BRI3: variants seen among roughly 807,000 people sequenced by gnomAD.
BRI3 encodes membrane protein BRI3.
BRI3 carries 6 observed loss-of-function variants against 12.8 expected under a neutral mutation model. The ratio of observed to expected loss-of-function variants is 0.47; its 90% CI spans 0.26 to 0.93. The LOEUF (loss-of-function observed/expected upper bound fraction) is 0.93, where lower values mean the gene tolerates loss of function less well. Among genes scored for constraint, BRI3 ranks in the 40% least tolerant of loss-of-function variants. The pLI, the probability that BRI3 is intolerant of heterozygous loss-of-function variation, is 0.15. For missense variants in BRI3, 134 were observed against 171.1 expected (o/e 0.78, Z 1.21); for synonymous variants, 91 against 76.1 (o/e 1.20, Z -1.02).
At position 98,290,689 on chromosome 7, in the gene BRI3, G is replaced by A. The variant is rs942245477; in HGVS notation, c.246-422G>A. ...GATTTTTGTATTGTTAGTAGAGACAGGGTTTCACCGTGTTGGCCAGGCTGG... is the reference window on the plus strand; with the variant it reads ...GATTTTTGTATTGTTAGTAGAGACAAGGTTTCACCGTGTTGGCCAGGCTGG... On this transcript the variant is annotated intron_variant, in intron 2 of 2. Coordinates refer to ENST00000297290, the MANE Select transcript of BRI3 (RefSeq NM_015379.5). 9.9e-5 allele frequency among the ~76,000 whole-genome samples: 15 copies of A among 151,578 alleles called. 1 individual carries two copies. Among genetic ancestry groups the A allele is most frequent in the Admixed American group, 6.6e-4 (10 of 15,220 alleles).
At chr7:98,315,582 C>T in the BRI3 span, 1 of 1,473,760 alleles carries the variant, frequency 6.8e-7, no homozygotes, top group Non-Finnish European at 9.1e-7. Flanking sequence ...TTCTGGATTT[C>T]ACTCTGACGA....
upstream of BRI3, among the ~76,000 whole-genome samples, chr7:98,302,377 C>A (rs889483894): frequency 3.3e-5 from 5 of 152,172 alleles, no homozygotes; most frequent in Admixed American, 1.3e-4. Flanking sequence ...GATTCTTTTA[C>A]CTTAAAAGGC....
chr7:98,292,897 G>A (rs1305357955), downstream of BRI3: 7 of 1,422,418 alleles, frequency 4.9e-6, no homozygotes, highest in Middle Eastern at 2.5e-4. Flanking sequence ...CGAGTGCTAC[G>A]TGTGGCTGTG....
downstream of BRI3, chr7:98,293,240 C>A (rs1800044398): frequency 1.1e-5 from 4 of 356,616 alleles, no homozygotes; most frequent in South Asian, 6.6e-5. Flanking sequence ...TTAAAAAATA[C>A]AGTAAAGATT....
At chr7:98,295,405 T>C (rs570078896), downstream of BRI3, among the ~76,000 whole-genome samples, 285 of 152,310 alleles carry the variant, frequency 1.9e-3, 1 homozygote, top group African/African-American at 6.5e-3. Context: ...GGGCTTTAAA[T>C]GGCCGCAAAA....
chr7:98,285,821 G>T (rs1201725862), intron 2 of BRI3, among the ~76,000 whole-genome samples: 1 of 152,178 alleles, frequency 6.6e-6, no homozygotes, highest in African/African-American at 2.4e-5. Flanking sequence ...GGACACCCTG[G>T]GACAGCCAGA....
chr7:98,306,754 C>A (rs1313283607), intron 1 of BRI3: 5 of 539,876 alleles, frequency 9.3e-6, no homozygotes, highest in Non-Finnish European at 1.6e-5. Context: ...GTTGCCCAGG[C>A]TGGAGTGCAG....
downstream of BRI3, among the ~76,000 whole-genome samples, chr7:98,295,945 C>T (rs991311923): frequency 2.0e-5 from 3 of 152,196 alleles, no homozygotes; most frequent in Admixed American, 1.3e-4. Flanking sequence ...ACCCCGTGCA[C>T]GCATGCCTGG....
At chr7:98,295,860 C>T (rs543031156), downstream of BRI3, among the ~76,000 whole-genome samples, 15 of 152,272 alleles carry the variant, frequency 9.9e-5, no homozygotes, top group Admixed American at 2.6e-4. Context: ...CAAGAAGCAC[C>T]GACTCCTGCC....
intron 2 of BRI3, among the ~76,000 whole-genome samples, chr7:98,287,049 G>A (rs1055758600): frequency 6.6e-6 from 1 of 152,194 alleles, no homozygotes; most frequent in African/African-American, 2.4e-5. Flanking sequence ...TTCGAAGCCC[G>A]TTCAGAGCTC....
chr7:98,283,721 C>T (rs189524170), intron 2 of BRI3, among the ~76,000 whole-genome samples: 81 of 152,136 alleles, frequency 5.3e-4, no homozygotes, highest in Non-Finnish European at 6.6e-4. Context: ...TCCAGCCTGC[C>T]GGAGGAGCCG....
upstream of BRI3, among the ~76,000 whole-genome samples, chr7:98,305,213 A>G (rs1441642075): frequency 6.6e-6 from 1 of 151,536 alleles, no homozygotes; most frequent in Non-Finnish European, 1.5e-5. Flanking sequence ...AAAAGACATG[A>G]CAAAAGGAGA....
exon 2 of BRI3, chr7:98,307,736 G>A (rs750572377): frequency 2.0e-5 from 32 of 1,614,182 alleles, no homozygotes; most frequent in East Asian, 1.8e-4. Context: ...CCTTCTCCTC[G>A]GGGATGAGCA....
At chr7:98,286,921 G>A (rs1303890864) in intron 2 of BRI3, among the ~76,000 whole-genome samples, 2 of 152,344 alleles carry the variant, frequency 1.3e-5, no homozygotes, top group East Asian at 3.9e-4. Flanking sequence ...AGCGCCTCTT[G>A]GCGTTTGAAG....
chr7:98,319,991 C>A, the BRI3 span: 18 of 1,315,022 alleles, frequency 1.4e-5, no homozygotes, highest in Middle Eastern at 1.9e-4. Context: ...ACAGTGGGAA[C>A]GAGTTCTCCC....
At chr7:98,298,096 A>G (rs1454910734) in intron 1 of BRI3, among the ~76,000 whole-genome samples, 1 of 152,082 alleles carries the variant, frequency 6.6e-6, no homozygotes, top group Non-Finnish European at 1.5e-5. Context: ...ATATCACGTG[A>G]CCTGTGGCAA....
At chr7:98,286,823 A>G (rs191853473) in intron 2 of BRI3, among the ~76,000 whole-genome samples, 10 of 152,378 alleles carry the variant, frequency 6.6e-5, no homozygotes, top group Admixed American at 5.2e-4. Flanking sequence ...AGTAGGATAA[A>G]TTACGACTAT....
intron 2 of BRI3, among the ~76,000 whole-genome samples, chr7:98,284,551 G>A (rs1003514535): frequency 9.2e-5 from 14 of 152,200 alleles, no homozygotes; most frequent in South Asian, 2.1e-4. Context: ...GTCTTGGCCC[G>A]GGAGACAGGA....
intron 1 of BRI3, among the ~76,000 whole-genome samples, chr7:98,298,482 G>T (rs971738970): frequency 2.0e-5 from 3 of 151,902 alleles, no homozygotes; most frequent in African/African-American, 7.2e-5. Flanking sequence ...GCGTAGTGGC[G>T]GGCGCCTGTA....
Sources: allele counts gnomAD v4.1 joint callset (sites outside exome capture counted in the v4.1 genomes callset), GRCh38; gene constraint gnomAD v4.1.1; transcripts MANE v1.5; gene names NCBI Gene and HGNC (gene_info 2026-07-23, HGNC 2026-07-21).